TOP1: variants seen among roughly 807,000 people sequenced by gnomAD.
TOP1 encodes the protein DNA topoisomerase 1.
In TOP1, 10 loss-of-function variants were observed where a neutral mutation model predicts 111.1. The observed-to-expected ratio is 0.09, with a 90% CI of 0.06 to 0.15. TOP1 has a LOEUF of 0.15. TOP1 is among the 10% of genes least tolerant of loss of function. TOP1 has a pLI of 1.00. For missense variants in TOP1, 474 were observed against 926.7 expected, an observed-to-expected ratio of 0.51 and a Z score of 6.34; for synonymous variants, 271 against 302.9, an observed-to-expected ratio of 0.89 and a Z score of 1.10.
At chr20:41,077,553 G>A (rs766210964) in intron 4 of TOP1, 29 bp from the exon 5 acceptor site, 18 of 1,598,536 alleles carry the variant, frequency 1.1e-5, no homozygotes, top group Non-Finnish European at 1.5e-5. Flanking sequence ...TCCTTTCAAG[G>A]TACTAGTTAC....
intron 2 of TOP1, among the ~76,000 whole-genome samples, chr20:41,045,595 A>G (rs976699449): frequency 1.4e-4 from 21 of 152,188 alleles, no homozygotes; most frequent in African/African-American, 4.6e-4. Context: ...ATGAACTTAT[A>G]TTTATGTACA....
At position 41,102,867 on chromosome 20, in the gene TOP1, T is replaced by A. The variant is rs2034085644; in HGVS notation, c.1308+1514T>A. On this transcript the variant is annotated intron_variant, in intron 13 of 20. Transcript: ENST00000361337. The surrounding 1 kb of genome is among the most constrained non-coding windows in gnomAD (Gnocchi z 4.0). ...TATTAGAAGAAAGATAAAAGTAAAA[T>A]GCATTAGATAAACAGAGGAGTTATT... Among the ~76,000 whole-genome samples, 1 of 152,130 alleles carries A rather than the reference T, an allele frequency of 6.6e-6. No homozygotes were observed. The highest frequency in any genetic ancestry group is 2.4e-5 in the African/African-American group (1 of 41,432).
At chr20:41,084,404 G>A in intron 7 of TOP1, 58 bp from the exon 8 acceptor site, 2 of 1,075,454 alleles carry the variant, frequency 1.9e-6, no homozygotes, top group Non-Finnish European at 2.6e-6. Context: ...CCCAAAAACT[G>A]CCTCCAGAAG....
chr20:41,072,119 A>G (rs2033675888), intron 3 of TOP1: 1 of 549,484 alleles, frequency 1.8e-6, no homozygotes, highest in East Asian at 1.5e-4. Flanking sequence ...GGTATCTAGC[A>G]TTTTTCTAAT....
chr20:41,084,712 A>T (rs2076576), intron 8 of TOP1, 144 bp downstream of exon 8: 1 of 557,746 alleles, frequency 1.8e-6, no homozygotes, highest in Admixed American at 3.3e-5. Flanking sequence ...TTCTGAAGTA[A>T]GTTTTCCAAC....
chr20:41,118,312 TGAAGG>T lies in TOP1; in HGVS notation c.1950+20_1950+24del. 6.2e-7 allele frequency: 1 copy of T among 1,613,660 alleles called. No individual in the cohort carries two copies. The highest frequency in any genetic ancestry group is 8.5e-7 in the Non-Finnish European group (1 of 1,179,702). ...GCAAACTAAGGTATCTTGGATAAAATGAAGGGAACTGTGTCTGCTGTGGGCAGATT... is the reference window on the plus strand; with the variant it reads ...GCAAACTAAGGTATCTTGGATAAAATGAACTGTGTCTGCTGTGGGCAGATT... On this transcript the variant is annotated intron_variant, in intron 18 of 20. Transcript: ENST00000361337. This position sits in a 1 kb window ranked among gnomAD's most constrained non-coding sequence, Gnocchi z 4.6.
chr20:41,123,058 A>G lies in TOP1; in HGVS notation c.2196-137A>G. On this transcript the variant is annotated intron_variant, in intron 20 of 20. Coordinates refer to ENST00000361337, the MANE Select transcript of TOP1 (RefSeq NM_003286.4). This position sits in a 1 kb window ranked among gnomAD's most constrained non-coding sequence, Gnocchi z 5.8. ...GAGTTGATCACATAAAACCTTTAGAACATGCTTGGTGCACTATTAATTTGC... is the reference window on the plus strand; with the variant it reads ...GAGTTGATCACATAAAACCTTTAGAGCATGCTTGGTGCACTATTAATTTGC... The G allele has an allele frequency of 1.6e-6, 1 of 618,584 alleles. No individual in the cohort carries two copies. The highest frequency in any genetic ancestry group is 2.9e-6 in the Non-Finnish European group (1 of 342,594). 38.3% of individuals were successfully genotyped at this position (618,584 alleles called of 1,614,324 possible).
intron 2 of TOP1, among the ~76,000 whole-genome samples, chr20:41,039,431 C>T (rs2033231854): frequency 6.6e-6 from 1 of 152,052 alleles, no homozygotes; most frequent in Non-Finnish European, 1.5e-5. Flanking sequence ...GACCTAGGAC[C>T]TTGGATTTCC....
chr20:41,097,191 TC>T lies in TOP1; in HGVS notation c.731-28del, dbSNP rs1326401056. On this transcript the variant is annotated intron_variant, in intron 9 of 20. Transcript: ENST00000361337. The surrounding 1 kb of genome is among the most constrained non-coding windows in gnomAD (Gnocchi z 4.2). ...ATGCTTAGAACATGAATACTATACC[TC>T]ACTTTTTGGAACCACTTTTTTCTCT... 1 of 1,609,078 alleles carries T rather than the reference TC, an allele frequency of 6.2e-7. No homozygotes were observed. The highest frequency in any genetic ancestry group is 1.3e-5 in the African/African-American group (1 of 74,494).
chr20:41,051,307 C>A (rs1280445962), intron 2 of TOP1, among the ~76,000 whole-genome samples: 1 of 152,110 alleles, frequency 6.6e-6, no homozygotes, highest in African/African-American at 2.4e-5. Flanking sequence ...AGGGGACTGG[C>A]TCAAAACATG....
rs1450566962 is a variant in TOP1, at chr20:41,061,890, TA to T, written c.155+402del. On this transcript the variant is annotated intron_variant, in intron 3 of 20. Transcript: ENST00000361337. This position sits in a 1 kb window ranked among gnomAD's most constrained non-coding sequence, Gnocchi z 4.6. ...TTAAAGAGTTTACATTAAAAATTCT[TA>T]ACTTGGGCTTCCATGGTCTGTTAGC... Among the ~76,000 whole-genome samples the T allele has an allele frequency of 3.9e-5, 6 of 152,178 alleles. No individual in the cohort carries two copies. The highest frequency in any genetic ancestry group is 8.8e-5 in the Non-Finnish European group (6 of 68,028).
rs368683119 is a variant in TOP1, at chr20:41,097,186, A to C, written c.731-34A>C. The C allele has an allele frequency of 6.2e-7, 1 of 1,608,818 alleles. No homozygotes were observed. Among genetic ancestry groups the C allele is most frequent in the East Asian group, 2.2e-5 (1 of 44,842 alleles). On this transcript the variant is annotated intron_variant, in intron 9 of 20. Transcript: ENST00000361337. This position sits in a 1 kb window ranked among gnomAD's most constrained non-coding sequence, Gnocchi z 4.2. Reference sequence around the variant, plus strand: ...TATTTATGCTTAGAACATGAATACTATACCTCACTTTTTGGAACCACTTTT... The same window carrying C: ...TATTTATGCTTAGAACATGAATACTCTACCTCACTTTTTGGAACCACTTTT...
chr20:41,043,739 C>G (rs1336305726), intron 2 of TOP1, among the ~76,000 whole-genome samples: 2 of 152,188 alleles, frequency 1.3e-5, no homozygotes, highest in Non-Finnish European at 2.9e-5. Context: ...TGTGGATCCG[C>G]ACGTAGGCCA....
At chr20:41,096,057 G>A (rs779800976) in intron 9 of TOP1, among the ~76,000 whole-genome samples, 46 of 152,094 alleles carry the variant, frequency 3.0e-4, no homozygotes, top group Admixed American at 2.6e-4. Context: ...GAAAACATCT[G>A]AGTCCCTTTA....
At chr20:41,063,042 C>G (rs1177176952) in intron 3 of TOP1, among the ~76,000 whole-genome samples, 1 of 152,162 alleles carries the variant, frequency 6.6e-6, no homozygotes, top group Non-Finnish European at 1.5e-5. Flanking sequence ...GATCCTGTCA[C>G]CCAGGTACTG....
rs2033128191 is a variant in TOP1, at chr20:41,032,167, T to A, written c.58+2712T>A. ...GGCCTAACCCATCTTACAGATTAAC[T>A]GTACAAGTTCATATATTAAAATCAA... is the stretch of plus-strand genomic sequence containing the variant. On this transcript the variant is annotated intron_variant, in intron 2 of 20. Coordinates refer to ENST00000361337, the MANE Select transcript of TOP1 (RefSeq NM_003286.4). This position sits in a 1 kb window ranked among gnomAD's most constrained non-coding sequence, Gnocchi z 4.3. Among the ~76,000 whole-genome samples, 1 of 152,234 alleles carries A rather than the reference T, an allele frequency of 6.6e-6. No individual in the cohort carries two copies. The highest frequency in any genetic ancestry group is 2.4e-5 in the African/African-American group (1 of 41,456).
Position 41,116,790 on chromosome 20 carries a change from A to C in TOP1, c.1822+398A>C, listed in dbSNP as rs1407387460. On this transcript the variant is annotated intron_variant, in intron 17 of 20. Coordinates refer to ENST00000361337, the MANE Select transcript of TOP1 (RefSeq NM_003286.4). This position sits in a 1 kb window ranked among gnomAD's most constrained non-coding sequence, Gnocchi z 5.6. ...AAGTCCTTTCCTTGAGGTTTCTGTC[A>C]TTTTTTTCCCATAAGAGAGTAGATA... 6.6e-6 allele frequency among the ~76,000 whole-genome samples: 1 copy of C among 152,030 alleles called. No homozygotes were observed. The highest frequency in any genetic ancestry group is 1.5e-5 in the Non-Finnish European group (1 of 67,990).
chr20:41,068,588 A>C, intron 3 of TOP1, among the ~76,000 whole-genome samples: 1 of 152,166 alleles, frequency 6.6e-6, no homozygotes, highest in East Asian at 1.9e-4. Flanking sequence ...TGTTTTTAAT[A>C]GAGATGGCGG....
chr20:41,036,834 T>TTC (rs1555802396), intron 2 of TOP1, among the ~76,000 whole-genome samples: 9 of 145,630 alleles, frequency 6.2e-5, no homozygotes, highest in South Asian at 2.2e-4. Context: ...CTACTTTTCT[T>TTC]TTTTTTTTTT....
Sources: allele counts gnomAD v4.1 joint callset (sites outside exome capture counted in the v4.1 genomes callset), GRCh38; gene constraint gnomAD v4.1.1; non-coding constraint Gnocchi (gnomAD v3.1); transcripts MANE v1.5; gene names NCBI Gene and HGNC (gene_info 2026-07-23, HGNC 2026-07-21).